SGCG: variants seen among roughly 807,000 people sequenced by gnomAD.
SGCG encodes gamma-sarcoglycan.
Under a neutral mutation model 29.3 loss-of-function variants are expected in SGCG, and 26 were observed. That is an observed-to-expected ratio of 0.89 (90% CI 0.65 to 1.23). The LOEUF is 1.23. SGCG is among the 50% of genes most tolerant of loss of function. The probability of loss-of-function intolerance (pLI) is 0.00; values close to 1 mark genes in which losing one functional copy is unlikely to be tolerated. For missense variants in SGCG, 353 were observed against 356.0 expected, an observed-to-expected ratio of 0.99 and a Z score of 0.07; for synonymous variants, 145 against 129.7, an observed-to-expected ratio of 1.12 and a Z score of -0.80.
At chr13:23,164,605 C>CA in the SGCG span, among the ~76,000 whole-genome samples, 1 of 152,128 alleles carries the variant, frequency 6.6e-6, no homozygotes, top group African/African-American at 2.4e-5. Flanking sequence ...CGTGAGGGCT[C>CA]AGAAAGCTTC....
intron 4 of SGCG, among the ~76,000 whole-genome samples, chr13:23,252,161 T>C (rs998771356): frequency 6.6e-6 from 1 of 152,184 alleles, no homozygotes; most frequent in African/African-American, 2.4e-5. Context: ...AATTATATTT[T>C]CTTGATAAAT....
At chr13:23,311,905 C>G (rs66971513) in intron 6 of SGCG, among the ~76,000 whole-genome samples, 65,995 of 151,696 alleles carry the variant, frequency 0.44, 15,205 homozygotes, top group East Asian at 0.69. Flanking sequence ...CAGCTGACAA[C>G]TCCTTTCAAC....
intron 1 of SGCG, among the ~76,000 whole-genome samples, chr13:23,187,996 A>G (rs1359825028): frequency 6.6e-6 from 1 of 152,188 alleles, no homozygotes; most frequent in Non-Finnish European, 1.5e-5. Context: ...TCAAGGATGC[A>G]TCTAACCCCA....
At chr13:23,240,978 T>C (rs1879482810) in intron 3 of SGCG, among the ~76,000 whole-genome samples, 1 of 151,460 alleles carries the variant, frequency 6.6e-6, no homozygotes, top group African/African-American at 2.4e-5. Context: ...TGAAACCCTG[T>C]CTCTACTAAA....
At chr13:23,259,990 T>A (rs1880361972) in intron 4 of SGCG, among the ~76,000 whole-genome samples, 1 of 152,064 alleles carries the variant, frequency 6.6e-6, no homozygotes, top group Non-Finnish European at 1.5e-5. Context: ...GGAATAAGTG[T>A]GATGTGGTGC....
chr13:23,314,382 T>TATATATATATATATATA (rs1882718485), intron 6 of SGCG, among the ~76,000 whole-genome samples: 2 of 78,624 alleles, frequency 2.5e-5, no homozygotes, highest in South Asian at 6.4e-4. Flanking sequence ...CTGCTATAGG[T>TATATATATATATATATA]TATATATATA....
chr13:23,292,959 G>T (rs910214555), intron 5 of SGCG, among the ~76,000 whole-genome samples: 5 of 152,160 alleles, frequency 3.3e-5, no homozygotes, highest in African/African-American at 1.2e-4. Flanking sequence ...GGAAAGAAAA[G>T]GATAAAATGA....
At chr13:23,293,510 T>C (rs978276261) in intron 5 of SGCG, among the ~76,000 whole-genome samples, 2 of 152,132 alleles carry the variant, frequency 1.3e-5, no homozygotes, top group African/African-American at 4.8e-5. Flanking sequence ...CCAGTAATAC[T>C]GTGGAGAAAA....
intron 5 of SGCG, among the ~76,000 whole-genome samples, chr13:23,290,473 G>C (rs1471270470): frequency 6.6e-6 from 1 of 152,146 alleles, no homozygotes; most frequent in African/African-American, 2.4e-5. Context: ...CTCAGAATTT[G>C]GACCCAGGAG....
At chr13:23,262,958 A>G (rs1459037709) in intron 4 of SGCG, among the ~76,000 whole-genome samples, 1 of 152,026 alleles carries the variant, frequency 6.6e-6, no homozygotes, top group Non-Finnish European at 1.5e-5. Context: ...TTCAAAGTGA[A>G]TAAGAGTGAG....
intron 6 of SGCG, among the ~76,000 whole-genome samples, chr13:23,306,092 C>T (rs754626084): frequency 3.3e-5 from 5 of 152,026 alleles, no homozygotes; most frequent in East Asian, 1.9e-4. Context: ...CTTGAACTCC[C>T]GGCCTCAAGT....
At chr13:23,190,543 T>C (rs1179408732) in intron 1 of SGCG, among the ~76,000 whole-genome samples, 1 of 152,184 alleles carries the variant, frequency 6.6e-6, no homozygotes, top group Non-Finnish European at 1.5e-5. Flanking sequence ...CCTGCATATA[T>C]TGGGGGTGCA....
At chr13:23,260,642 G>A (rs919453336) in intron 4 of SGCG, among the ~76,000 whole-genome samples, 8 of 151,992 alleles carry the variant, frequency 5.3e-5, no homozygotes, top group African/African-American at 1.4e-4. Context: ...TGCTAGCATC[G>A]ATGGTCTTTA....
intron 7 of SGCG, among the ~76,000 whole-genome samples, chr13:23,322,768 A>AC (rs1238626476): frequency 2.1e-4 from 7 of 33,464 alleles, no homozygotes; most frequent in Admixed American, 3.2e-4. Context: ...CCACCCATCC[A>AC]CCTCCCCCCC....
At chr13:23,279,733 T>TCCTTCC (rs1169013580) in intron 5 of SGCG, among the ~76,000 whole-genome samples, 4 of 151,664 alleles carry the variant, frequency 2.6e-5, no homozygotes, top group East Asian at 1.9e-4. Context: ...CTTCCTTCTT[T>TCCTTCC]TTTTTTTCTT....
At chr13:23,265,741 A>G (rs915148215) in intron 4 of SGCG, among the ~76,000 whole-genome samples, 1 of 152,118 alleles carries the variant, frequency 6.6e-6, no homozygotes, top group Non-Finnish European at 1.5e-5. Flanking sequence ...GCCAGCCGGA[A>G]TGGCCATTAT....
intron 3 of SGCG, 54 bp from the exon 4 acceptor site, chr13:23,250,576 A>C: frequency 1.2e-6 from 1 of 823,974 alleles, no homozygotes; most frequent in Non-Finnish European, 2.1e-6. Context: ...AATTATAAAG[A>C]TATAATCATT....
intron 7 of SGCG, among the ~76,000 whole-genome samples, chr13:23,322,832 G>GGAA (rs1175629098): frequency 6.9e-6 from 1 of 145,958 alleles, no homozygotes; most frequent in Non-Finnish European, 1.5e-5. Flanking sequence ...GGATTCACCT[G>GGAA]GAAGTCAGGA....
chr13:23,303,899 T>C (rs994140763), intron 6 of SGCG, among the ~76,000 whole-genome samples: 1 of 147,550 alleles, frequency 6.8e-6, no homozygotes, highest in African/African-American at 2.5e-5. Context: ...TCTATTTTCC[T>C]TTCCCCATGG....
Sources: allele counts gnomAD v4.1 joint callset (sites outside exome capture counted in the v4.1 genomes callset), GRCh38; gene constraint gnomAD v4.1.1; transcripts MANE v1.5; gene names NCBI Gene and HGNC (gene_info 2026-07-23, HGNC 2026-07-21).